NRXN3: variants seen among roughly 807,000 people sequenced by gnomAD.
NRXN3 encodes neurexin 3, also known as neurexin III.
A neutral mutation model predicts 137.6 loss-of-function variants in NRXN3; 32 were observed. That is an observed-to-expected ratio of 0.23 (90% CI 0.18 to 0.31). NRXN3 has a LOEUF of 0.31. Among genes scored for constraint, NRXN3 ranks in the 10% least tolerant of loss-of-function variants. The probability of loss-of-function intolerance (pLI) is 1.00; values close to 1 mark genes in which losing one functional copy is unlikely to be tolerated. For missense variants in NRXN3, 1,574 were observed against 2,062.5 expected (o/e 0.76, Z 4.59); for synonymous variants, 798 against 784.5 (o/e 1.02, Z -0.29).
chr14:78,435,892 G>T lies in NRXN3; in HGVS notation c.757+138032G>T, dbSNP rs948607092. Among the ~76,000 whole-genome samples, 6 of 152,340 alleles carry T rather than the reference G, an allele frequency of 3.9e-5. No homozygotes were observed. The South Asian group carries it at 8.3e-4, about 21-fold the overall frequency. Reference sequence around the variant, plus strand: ...TCCATCTGCTGACTTGCAGTGGGCTGTTCCCCAAAATGCATGCCTTGTTCT... The same window carrying T: ...TCCATCTGCTGACTTGCAGTGGGCTTTTCCCCAAAATGCATGCCTTGTTCT... On this transcript the variant is annotated intron_variant, in intron 4 of 20. Coordinates refer to ENST00000335750, the MANE Select transcript of NRXN3 (RefSeq NM_001330195.2).
At chr14:78,832,613 G>T (rs1441425706) in intron 10 of NRXN3, among the ~76,000 whole-genome samples, 1 of 151,236 alleles carries the variant, frequency 6.6e-6, no homozygotes, top group Non-Finnish European at 1.5e-5. Context: ...GAGGACAAGA[G>T]GGTTAATTAA....
chr14:79,049,176 C>T (rs12897265), intron 15 of NRXN3, among the ~76,000 whole-genome samples: 78,069 of 149,570 alleles, frequency 0.52, 22,844 homozygotes, highest in East Asian at 0.78. Flanking sequence ...TGTTTGATAG[C>T]ATTTTACCCA....
At chr14:78,684,387 T>A (rs2098106962) in intron 6 of NRXN3, among the ~76,000 whole-genome samples, 1 of 152,222 alleles carries the variant, frequency 6.6e-6, no homozygotes, top group Non-Finnish European at 1.5e-5. Flanking sequence ...ATTAGACGCT[T>A]GAAAGCTCCA....
intron 4 of NRXN3, among the ~76,000 whole-genome samples, chr14:78,421,456 G>A (rs1379126344): frequency 6.6e-6 from 1 of 151,988 alleles, no homozygotes; most frequent in East Asian, 1.9e-4. Context: ...ATATTTTTCA[G>A]CCATTAAAAA....
At chr14:78,404,235 C>T (rs1247725275) in intron 4 of NRXN3, among the ~76,000 whole-genome samples, 2 of 146,314 alleles carry the variant, frequency 1.4e-5, no homozygotes, top group African/African-American at 5.1e-5. Flanking sequence ...GTTGTCGCTG[C>T]ATGGGAGCAG....
intron 4 of NRXN3, among the ~76,000 whole-genome samples, chr14:78,564,938 G>A (rs868112490): frequency 7.9e-5 from 12 of 152,128 alleles, no homozygotes; most frequent in Non-Finnish European, 7.4e-5. Context: ...CCTCCTCAGC[G>A]CACTCAGTGC....
At chr14:78,652,340 T>A (rs2097753607) in intron 6 of NRXN3, among the ~76,000 whole-genome samples, 1 of 152,342 alleles carries the variant, frequency 6.6e-6, no homozygotes, top group East Asian at 1.9e-4. Flanking sequence ...TATTGAGACC[T>A]CTTTCTGAGA....
intron 6 of NRXN3, among the ~76,000 whole-genome samples, chr14:78,693,669 G>A (rs1432125842): frequency 5.0e-5 from 5 of 100,138 alleles, no homozygotes; most frequent in Admixed American, 2.2e-4. Context: ...GTGTGTGTGT[G>A]TGTGTGTGTG....
At chr14:78,540,141 A>T (rs1423790237) in intron 4 of NRXN3, among the ~76,000 whole-genome samples, 6 of 152,214 alleles carry the variant, frequency 3.9e-5, no homozygotes, top group Non-Finnish European at 7.3e-5. Context: ...TGCAGAGCTG[A>T]GTTCAAGTCC....
At position 78,966,320 on chromosome 14, in the gene NRXN3, C is replaced by T. The variant is rs2099417193; in HGVS notation, c.2691C>T (p.Phe897=). 2 of 1,614,174 alleles carry T rather than the reference C, an allele frequency of 1.2e-6. No individual in the cohort carries two copies. The highest frequency in any genetic ancestry group is 2.2e-5 in the South Asian group (2 of 91,088). Residue 897 remains phenylalanine, a synonymous_variant, in exon 12 of 21, where the codon TTC becomes TTT. Transcript: ENST00000335750. ...CTTACACCTCCATGCACCTCTTCTT[C>T]CAGTTCAAGACCACCTCACCAGATG... ...LQAYTSMHLF[F]QFKTTSPDGF... is the part of the protein sequence containing the mutation.
Position 79,222,977 on chromosome 14 carries a change from C to A in NRXN3, c.3262+234836C>A, listed in dbSNP as rs187164381. Among the ~76,000 whole-genome samples, 3 of 152,118 alleles carry A rather than the reference C, an allele frequency of 2.0e-5. No individual in the cohort carries two copies. The East Asian group carries it at 5.8e-4, about 29-fold the overall frequency. Reference sequence around the variant, plus strand: ...TCCCATTATGGCTTATCTTTTCATTCTCTTGACAGTTACATCATGCTTTTA... The same window carrying A: ...TCCCATTATGGCTTATCTTTTCATTATCTTGACAGTTACATCATGCTTTTA... On this transcript the variant is annotated intron_variant, in intron 15 of 20. Coordinates refer to ENST00000335750, the MANE Select transcript of NRXN3 (RefSeq NM_001330195.2).
At chr14:78,742,896 C>T (rs1253643936) in intron 8 of NRXN3, among the ~76,000 whole-genome samples, 1 of 152,102 alleles carries the variant, frequency 6.6e-6, no homozygotes, top group South Asian at 2.1e-4. Context: ...AAATAAACAG[C>T]TTAGTTAAAT....
chr14:79,328,226 T>A (rs2091188983), intron 15 of NRXN3, among the ~76,000 whole-genome samples: 1 of 152,212 alleles, frequency 6.6e-6, no homozygotes, highest in Admixed American at 6.5e-5. Context: ...AAGGTAAGCA[T>A]GTTTCATTCT....
intron 4 of NRXN3, among the ~76,000 whole-genome samples, chr14:78,437,203 C>T (rs1334287178): frequency 1.3e-5 from 2 of 152,084 alleles, no homozygotes; most frequent in African/African-American, 4.8e-5. Flanking sequence ...ATGAAGAAAC[C>T]AAGGCATGGA....
At chr14:79,297,538 G>A (rs1039810205) in intron 15 of NRXN3, among the ~76,000 whole-genome samples, 1 of 152,012 alleles carries the variant, frequency 6.6e-6, no homozygotes, top group African/African-American at 2.4e-5. Flanking sequence ...GTAACAAACA[G>A]GTAATCATCT....
chr14:78,520,667 A>G (rs1038837706), intron 4 of NRXN3, among the ~76,000 whole-genome samples: 15 of 152,232 alleles, frequency 9.9e-5, no homozygotes, highest in African/African-American at 3.6e-4. Context: ...TGTAAAATGT[A>G]GACAGGTTAT....
Position 79,182,148 on chromosome 14 carries a change from A to G in NRXN3, c.3262+194007A>G, listed in dbSNP as rs138608955. On this transcript the variant is annotated intron_variant, in intron 15 of 20. Transcript: ENST00000335750. ...ATGTCCTTATTAATACTTACTGAGT[A>G]CCTAGCATGTGTGAAGACGATATTC... Among the ~76,000 whole-genome samples, 385 of 152,250 alleles carry G rather than the reference A, an allele frequency of 2.5e-3. 1 individual carries two copies. The highest frequency in any genetic ancestry group is 8.8e-3 in the African/African-American group (366 of 41,530).
At chr14:79,231,215 G>A (rs1007012180) in intron 15 of NRXN3, among the ~76,000 whole-genome samples, 16 of 152,018 alleles carry the variant, frequency 1.1e-4, no homozygotes, top group Admixed American at 5.2e-4. Context: ...AGAAGAACTT[G>A]GTAAAATGTT....
chr14:78,913,834 A>G (rs1389996077), intron 10 of NRXN3, among the ~76,000 whole-genome samples: 1 of 152,098 alleles, frequency 6.6e-6, no homozygotes, highest in African/African-American at 2.4e-5. Context: ...GGCTTTCCCC[A>G]CACTTGGTAA....
Sources: gnomAD v4.1 joint callset for allele counts (sites outside exome capture counted in the v4.1 genomes callset) on GRCh38, gnomAD v4.1.1 for gene constraint, MANE v1.5 for transcripts, NCBI Gene and HGNC (gene_info 2026-07-23, HGNC 2026-07-21) for gene names.